The following PDE1C variants were observed in gnomAD, a reference collection of about 807,000 sequenced individuals.
The protein encoded by PDE1C is phosphodiesterase 1C, also known as dual specificity calcium/calmodulin-dependent 3',5'-cyclic nucleotide phosphodiesterase 1C.
A neutral mutation model predicts 93.1 loss-of-function variants in PDE1C; 62 were observed. The ratio of observed to expected loss-of-function variants is 0.67; its 90% CI spans 0.54 to 0.82. The LOEUF is 0.82. PDE1C is among the 40% of genes least tolerant of loss of function. The pLI is 0.00. For missense variants in PDE1C, 742 were observed against 884.6 expected, an observed-to-expected ratio of 0.84 and a Z score of 2.04; for synonymous variants, 325 against 310.1, an observed-to-expected ratio of 1.05 and a Z score of -0.50.
chr7:31,924,097 A>C (rs1803022677), intron 2 of PDE1C, among the ~76,000 whole-genome samples: 1 of 152,184 alleles, frequency 6.6e-6, no homozygotes, highest in South Asian at 2.1e-4. Context: ...AGAGTAACTT[A>C]ACTTCAGTAG....
chr7:32,181,677 A>C (rs560209267), intron 2 of PDE1C, among the ~76,000 whole-genome samples: 12 of 152,194 alleles, frequency 7.9e-5, no homozygotes, highest in South Asian at 4.2e-4. Context: ...TATAGCACTA[A>C]ATGCCCACAA....
At chr7:32,022,582 A>C (rs1204274039) in intron 2 of PDE1C, among the ~76,000 whole-genome samples, 1 of 152,106 alleles carries the variant, frequency 6.6e-6, no homozygotes, top group African/African-American at 2.4e-5. Flanking sequence ...ATCTAGGCTT[A>C]TAAGCAGAAA....
the PDE1C span, among the ~76,000 whole-genome samples, chr7:31,646,042 A>C: frequency 6.6e-6 from 1 of 152,350 alleles, no homozygotes; most frequent in East Asian, 1.9e-4. Context: ...TTTCACAAAG[A>C]AAGGCTGGTT....
the PDE1C span, among the ~76,000 whole-genome samples, chr7:31,626,076 G>A: frequency 6.6e-6 from 1 of 152,128 alleles, no homozygotes; most frequent in African/African-American, 2.4e-5. Flanking sequence ...TCAAAGAACA[G>A]ACAGAAGTTC....
intron 1 of PDE1C, among the ~76,000 whole-genome samples, chr7:32,374,455 T>C (rs1784401689): frequency 6.6e-6 from 1 of 152,174 alleles, no homozygotes; most frequent in Non-Finnish European, 1.5e-5. Flanking sequence ...TCACACTTGG[T>C]GGCATGAGCC....
chr7:32,420,708 A>G, intron 1 of PDE1C, among the ~76,000 whole-genome samples: 1 of 146,750 alleles, frequency 6.8e-6, no homozygotes. Flanking sequence ...ACTAAAATTA[A>G]TAACTGGTTA....
At chr7:32,031,513 T>C (rs1790317296) in intron 2 of PDE1C, among the ~76,000 whole-genome samples, 1 of 152,126 alleles carries the variant, frequency 6.6e-6, no homozygotes, top group East Asian at 1.9e-4. Context: ...CAGGGTATTG[T>C]GAAATCACAG....
rs532545306 is a variant in PDE1C at position 32,173,890 on chromosome 7, T to A, written c.137-3934A>T. On this transcript the variant is annotated intron_variant, in intron 2 of 18. Coordinates refer to the PDE1C transcript ENST00000396193. ...CTGAGCCTACAAGCAAGGACACCCA[T>A]GGGTCAGCAAACAGCTCTTTCAATG... Among the ~76,000 whole-genome samples, 4 of 152,292 alleles carry A rather than the reference T, an allele frequency of 2.6e-5. No individual in the cohort carries two copies. The East Asian group carries it at 7.7e-4, about 29-fold the overall frequency.
At chr7:32,092,790 A>C (rs1246966470) in intron 3 of PDE1C, among the ~76,000 whole-genome samples, 1 of 152,236 alleles carries the variant, frequency 6.6e-6, no homozygotes, top group Non-Finnish European at 1.5e-5. Flanking sequence ...TTGCACATCC[A>C]CTGTGTGCAA....
intron 1 of PDE1C, among the ~76,000 whole-genome samples, chr7:32,412,708 A>AC (rs59311366): frequency 1 from 152,310 of 152,310 alleles, 76,155 homozygotes; most frequent in Non-Finnish European, 1. Context: ...ATTGCCCGAA[A>AC]TTCGTTATGC....
intron 2 of PDE1C, among the ~76,000 whole-genome samples, chr7:32,201,737 T>C (rs1232979695): frequency 1.3e-5 from 2 of 152,192 alleles, no homozygotes; most frequent in African/African-American, 4.8e-5. Flanking sequence ...AAGCAGTCTT[T>C]AAAATTTTTA....
chr7:32,385,115 C>G (rs886244065), intron 1 of PDE1C, among the ~76,000 whole-genome samples: 1 of 152,186 alleles, frequency 6.6e-6, no homozygotes, highest in Non-Finnish European at 1.5e-5. Flanking sequence ...CAATTCCTGG[C>G]TTCGGCATCT....
Position 32,311,065 on chromosome 7 carries a change from G to A in PDE1C, c.311-101526C>T, listed in dbSNP as rs528021527. On this transcript the variant is annotated intron_variant, in intron 1 of 1. Coordinates refer to the PDE1C transcript ENST00000672256. The stretch of plus-strand genomic sequence containing the variant: ...AATAGACGCAATAAAAAATGATAAA[G>A]AAGATATCACCACCGATCCCACAGA... Among the ~76,000 whole-genome samples, 4 of 152,212 alleles carry A rather than the reference G, an allele frequency of 2.6e-5. No homozygotes were observed. The East Asian group carries it at 5.8e-4, about 22-fold the overall frequency.
chr7:32,354,591 C>A (rs938633841), intron 1 of PDE1C, among the ~76,000 whole-genome samples: 6 of 152,116 alleles, frequency 3.9e-5, no homozygotes, highest in Non-Finnish European at 2.9e-5. Context: ...AGAATGATAC[C>A]TTGTTTAAAA....
intron 1 of PDE1C, among the ~76,000 whole-genome samples, chr7:32,394,873 TTCCTCTCTCACC>T (rs1239464332): frequency 2.0e-5 from 3 of 152,138 alleles, no homozygotes; most frequent in Admixed American, 6.6e-5. Flanking sequence ...TCTCTCTCTC[TTCCTCTCTCACC>T]TCCTCTCTCA....
intron 16 of PDE1C, chr7:31,787,835 T>G (rs1292927309): frequency 1.3e-5 from 2 of 152,248 alleles, no homozygotes; most frequent in Non-Finnish European, 2.9e-5. Context: ...TGATTTGGAA[T>G]AATTACTTTA....
chr7:32,421,707 A>C (rs980849504), intron 1 of PDE1C, among the ~76,000 whole-genome samples: 5 of 152,198 alleles, frequency 3.3e-5, no homozygotes, highest in African/African-American at 1.2e-4. Context: ...ATAAGTAAAA[A>C]GTTGATTTAA....
At chr7:31,780,736 TTTA>T (rs1472036271) in intron 16 of PDE1C, among the ~76,000 whole-genome samples, 1 of 152,100 alleles carries the variant, frequency 6.6e-6, no homozygotes, top group Non-Finnish European at 1.5e-5. Flanking sequence ...CAACACAGTT[TTTA>T]TTATTTGTTT....
intron 1 of PDE1C, among the ~76,000 whole-genome samples, chr7:32,257,537 A>C (rs1275130276): frequency 1.3e-5 from 2 of 152,202 alleles, no homozygotes; most frequent in Non-Finnish European, 2.9e-5. Context: ...TTGTTGTGAA[A>C]ATTTAAATGA....
Sources: allele counts gnomAD v4.1 joint callset (sites outside exome capture counted in the v4.1 genomes callset), GRCh38; gene constraint gnomAD v4.1.1; transcripts MANE v1.5; gene names NCBI Gene and HGNC (gene_info 2026-07-23, HGNC 2026-07-21).